SHANK2: variants seen among roughly 807,000 people sequenced by gnomAD.
SHANK2 encodes SH3 and multiple ankyrin repeat domains 2, also known as SH3 and multiple ankyrin repeat domains protein 2.
Under a neutral mutation model 133.7 loss-of-function variants are expected in SHANK2, and 43 were observed. The observed-to-expected ratio is 0.32, with a 90% CI of 0.25 to 0.41. The LOEUF (loss-of-function observed/expected upper bound fraction) is 0.41. Ranked by LOEUF, SHANK2 falls within the 10% of genes least tolerant of loss-of-function variation. The pLI is 1.00. For synonymous variants in SHANK2, 1,017 were observed against 952.8 expected (o/e 1.07, Z -1.24); for missense variants, 1,994 against 2,235.8 (o/e 0.89, Z 2.18).
chr11:70,934,246 C>CG, intron 10 of SHANK2, among the ~76,000 whole-genome samples: 1 of 114,056 alleles, frequency 8.8e-6, no homozygotes, highest in South Asian at 3.1e-4. Flanking sequence ...ACAACACCAC[C>CG]AAAAAAAAAA....
intron 15 of SHANK2, among the ~76,000 whole-genome samples, chr11:70,687,194 AC>A (rs1450440587): frequency 4.6e-5 from 7 of 152,262 alleles, no homozygotes; most frequent in African/African-American, 1.7e-4. Flanking sequence ...TAGCCATCTT[AC>A]AAATGGGGAA....
chr11:71,184,023 G>T (rs1045561386), intron 2 of SHANK2, among the ~76,000 whole-genome samples: 1 of 152,146 alleles, frequency 6.6e-6, no homozygotes, highest in Non-Finnish European at 1.5e-5. Flanking sequence ...CCTGACTGGG[G>T]AGCACTAACT....
chr11:70,505,699 C>T (rs564499181), intron 17 of SHANK2, among the ~76,000 whole-genome samples: 5 of 152,244 alleles, frequency 3.3e-5, no homozygotes, highest in Admixed American at 6.5e-5. Context: ...GGGGAGAGTA[C>T]GAGACTGGCA....
chr11:71,175,286 G>T lies in SHANK2; in HGVS notation c.-12-27948C>A, dbSNP rs1045613138. Reference sequence around the variant, plus strand: ...CCTGGATGGGCATGGGAACAACACAGCTGAGCATGACAGGTCGCCCCAGGA... The same window carrying T: ...CCTGGATGGGCATGGGAACAACACATCTGAGCATGACAGGTCGCCCCAGGA... On this transcript the variant is annotated intron_variant, in intron 2 of 25. Coordinates refer to ENST00000601538, the MANE Select transcript of SHANK2 (RefSeq NM_012309.5). The surrounding 1 kb of genome is among the most constrained non-coding windows in gnomAD (Gnocchi z 4.2). Among the ~76,000 whole-genome samples, 3 of 152,194 alleles carry T rather than the reference G, an allele frequency of 2.0e-5. No individual in the cohort carries two copies. Among genetic ancestry groups the T allele is most frequent in the Admixed American group, 6.5e-5 (1 of 15,282 alleles).
chr11:70,735,599 G>GA (rs1555033343), intron 14 of SHANK2, among the ~76,000 whole-genome samples: 1 of 152,062 alleles, frequency 6.6e-6, no homozygotes, highest in Non-Finnish European at 1.5e-5. Flanking sequence ...AGCTACTTGG[G>GA]AGGCTGAGGC....
intron 11 of SHANK2, among the ~76,000 whole-genome samples, chr11:70,869,442 C>T (rs1949423697): frequency 6.6e-6 from 1 of 152,216 alleles, no homozygotes; most frequent in African/African-American, 2.4e-5. Flanking sequence ...CTCCACACAT[C>T]CCATACCAGA....
At chr11:70,719,820 G>C (rs1187533342) in intron 14 of SHANK2, among the ~76,000 whole-genome samples, 3 of 151,344 alleles carry the variant, frequency 2.0e-5, no homozygotes, top group African/African-American at 7.3e-5. Flanking sequence ...AATCTTAAAG[G>C]TTCCTGTCCT....
At chr11:70,600,821 A>G (rs1181176114) in intron 17 of SHANK2, among the ~76,000 whole-genome samples, 2 of 152,222 alleles carry the variant, frequency 1.3e-5, no homozygotes, top group African/African-American at 2.4e-5. Flanking sequence ...GGACTTACAT[A>G]TGAAAGACAA....
chr11:70,909,536 G>A (rs1200337079), intron 10 of SHANK2, among the ~76,000 whole-genome samples: 1 of 152,190 alleles, frequency 6.6e-6, no homozygotes, highest in Admixed American at 6.5e-5. Context: ...ATGCCTTGAG[G>A]AAGTAGAGCT....
chr11:70,751,757 G>A (rs1394939166), intron 14 of SHANK2, among the ~76,000 whole-genome samples: 1 of 152,076 alleles, frequency 6.6e-6, no homozygotes, highest in Non-Finnish European at 1.5e-5. Flanking sequence ...TCTATATGGT[G>A]GTAAGGTTTC....
chr11:71,084,207 G>A (rs1265737659), intron 8 of SHANK2, among the ~76,000 whole-genome samples: 8 of 152,102 alleles, frequency 5.3e-5, no homozygotes, highest in African/African-American at 1.7e-4. Context: ...TCCTGACCTC[G>A]TGATCTGCCC....
intron 17 of SHANK2, among the ~76,000 whole-genome samples, chr11:70,590,568 C>G (rs1381997368): frequency 1.3e-5 from 2 of 152,232 alleles, no homozygotes; most frequent in Non-Finnish European, 2.9e-5. Context: ...AACCACCGCT[C>G]TCATCAGTCA....
intron 14 of SHANK2, among the ~76,000 whole-genome samples, chr11:70,726,547 C>A (rs952740675): frequency 6.6e-6 from 1 of 152,014 alleles, no homozygotes; most frequent in South Asian, 2.1e-4. Context: ...CTGGTGGAAG[C>A]CAAAAGGCAG....
intron 14 of SHANK2, among the ~76,000 whole-genome samples, chr11:70,728,193 T>A (rs370286757): frequency 4.6e-5 from 7 of 152,044 alleles, no homozygotes; most frequent in African/African-American, 1.7e-4. Flanking sequence ...CAGTGCTTGG[T>A]TAGGAACACA....
At chr11:70,708,117 G>C (rs1555025341) in intron 14 of SHANK2, among the ~76,000 whole-genome samples, 1 of 152,222 alleles carries the variant, frequency 6.6e-6, no homozygotes, top group East Asian at 1.9e-4. Context: ...ACCAGGAAAA[G>C]CCCTGGCGTC....
chr11:70,724,631 C>T (rs1043690078), intron 14 of SHANK2, among the ~76,000 whole-genome samples: 4 of 152,182 alleles, frequency 2.6e-5, no homozygotes, highest in African/African-American at 4.8e-5. Flanking sequence ...CCAGAATTCC[C>T]GAGCTGGGAG....
rs369652198 is a variant in SHANK2 at position 70,950,096 on chromosome 11, T to A, written c.1108-53529A>T. 7 of 456,540 alleles carry A rather than the reference T, an allele frequency of 1.5e-5. No individual in the cohort carries two copies. The East Asian group carries it at 2.1e-4, about 14-fold the overall frequency. The allele number at this position is 456,540 out of a possible 1,614,324, so 28.3% of individuals were successfully genotyped here. A position where few individuals can be genotyped will look rare whatever the true frequency, so the allele number is the denominator to read the frequency against. ...TTTGGAGATGGAGTTTCGCCCTGGT[T>A]ACCTAGACTGGAATGCAATGGCGCT... On this transcript the variant is annotated intron_variant, in intron 10 of 25. Transcript: ENST00000601538.
chr11:71,063,165 T>C (rs1435284153), intron 9 of SHANK2, among the ~76,000 whole-genome samples: 4 of 152,108 alleles, frequency 2.6e-5, no homozygotes, highest in African/African-American at 7.2e-5. Flanking sequence ...GTACTTCCTA[T>C]AGAAAGTTAA....
At chr11:70,792,374 A>G (rs537488734) in intron 14 of SHANK2, among the ~76,000 whole-genome samples, 2 of 148,720 alleles carry the variant, frequency 1.3e-5, no homozygotes, top group African/African-American at 5.0e-5. Context: ...TAACCAACCA[A>G]CCAACCAACC....
Sources: allele counts gnomAD v4.1 joint callset (sites outside exome capture counted in the v4.1 genomes callset), GRCh38; gene constraint gnomAD v4.1.1; non-coding constraint Gnocchi (gnomAD v3.1); transcripts MANE v1.5; gene names NCBI Gene and HGNC (gene_info 2026-07-23, HGNC 2026-07-21).